The following MX2 variants were observed in gnomAD, a reference collection of about 807,000 sequenced individuals.
MX2 encodes the protein MX dynamin like GTPase 2, also known as interferon-induced GTP-binding protein Mx2.
A neutral mutation model predicts 74.0 loss-of-function variants in MX2; 51 were observed. That is an observed-to-expected ratio of 0.69 (90% CI 0.55 to 0.87). The LOEUF is 0.87. Ranked by LOEUF, MX2 falls within the 40% of genes least tolerant of loss-of-function variation. MX2 has a pLI of 0.00. For missense variants in MX2, 832 were observed against 908.7 expected (o/e 0.92, Z 1.09); for synonymous variants, 369 against 339.3 (o/e 1.09, Z -0.96).
intron 1 of MX2, chr21:41,370,144 G>C (rs553187427): frequency 6.6e-6 from 1 of 152,258 alleles, no homozygotes; most frequent in East Asian, 1.9e-4. Context: ...TTCCTGGGCT[G>C]TGTCATTCCA....
chr21:41,405,641 G>C (rs1234651118), intron 12 of MX2, among the ~76,000 whole-genome samples: 1 of 149,742 alleles, frequency 6.7e-6, no homozygotes, highest in African/African-American at 2.5e-5. Flanking sequence ...GGACACAAAT[G>C]TTCAGTCCAT....
intron 12 of MX2, chr21:41,404,055 A>C (rs1009926706): frequency 3.1e-5 from 6 of 190,902 alleles, no homozygotes; most frequent in African/African-American, 1.2e-4. Context: ...CCAGTCACCA[A>C]GATGTCCATT....
intron 1 of MX2, among the ~76,000 whole-genome samples, chr21:41,369,832 C>T (rs552351396): frequency 3.0e-4 from 46 of 151,348 alleles, no homozygotes; most frequent in African/African-American, 1.0e-3. Flanking sequence ...CACCCCTGCC[C>T]CCCGCCCCCG....
At chr21:41,405,205 G>C (rs1308861187) in intron 12 of MX2, among the ~76,000 whole-genome samples, 1 of 151,742 alleles carries the variant, frequency 6.6e-6, no homozygotes, top group African/African-American at 2.4e-5. Context: ...GTTGCAGTCA[G>C]TCGAGATTGT....
chr21:41,380,102 C>A lies in MX2; in HGVS notation c.528C>A (p.Thr176=), dbSNP rs142362549. The A allele has an allele frequency of 3.2e-4, 512 of 1,613,840 alleles. 2 individuals are homozygous for A. The highest frequency in any genetic ancestry group is 1.6e-4 in the Middle Eastern group (1 of 6,078). The change falls in exon 4 of 14, where the codon ACC becomes ACA. Residue 176 remains threonine, a synonymous_variant. Coordinates refer to ENST00000330714, the MANE Select transcript of MX2 (RefSeq NM_002463.2). This position sits in a 1 kb window ranked among gnomAD's most constrained non-coding sequence, Gnocchi z 4.3. The part of the protein sequence containing the change: ...AWAGRISYRN[T]ELELQDPGQV... ...CCGGAAGGATCAGCTACCGGAACAC[C>A]GAGCTAGAGCTTCAGGACCCTGGCC...
rs34254609 is a variant in MX2, at chr21:41,373,805, TA to T, written c.-71-3010del. 838 of 91,150 alleles carry T rather than the reference TA, an allele frequency of 9.2e-3. 3 individuals are homozygous for T. Among genetic ancestry groups the T allele is most frequent in the Middle Eastern group, 0.013 (2 of 150 alleles). 5.6% of individuals were successfully genotyped at this position (91,150 alleles called of 1,614,324 possible). A position where few individuals can be genotyped will look rare whatever the true frequency, so the allele number is the denominator to read the frequency against. On this transcript the variant is annotated intron_variant, in intron 1 of 13. Transcript: ENST00000330714. ...CCTTGCTTTCCCAGACTCTCAAACT[TA>T]AAAAAAAAAAAAAAAAAAAAGCCAG...
intron 3 of MX2, among the ~76,000 whole-genome samples, chr21:41,379,030 C>T (rs946803652): frequency 6.6e-6 from 1 of 152,242 alleles, no homozygotes; most frequent in Admixed American, 6.5e-5. Context: ...CTGCAACAAC[C>T]GCAAAGCCAC....
Position 41,399,353 on chromosome 21 carries a change from G to T in MX2, c.1414+16G>T, listed in dbSNP as rs749740191. On this transcript the variant is annotated intron_variant, in intron 10 of 13. Coordinates refer to ENST00000330714, the MANE Select transcript of MX2 (RefSeq NM_002463.2). ...ACCCAAAAAGGTAAGTTCTGGGCAG[G>T]GCTCCCTGCAAAACAGGGTGGTATT... is the stretch of plus-strand genomic sequence containing the variant. 1.2e-6 allele frequency: 2 copies of T among 1,611,512 alleles called. No homozygotes were observed. Among genetic ancestry groups the T allele is most frequent in the South Asian group, 2.2e-5 (2 of 90,898 alleles).
rs755613834 is a variant in MX2 at position 41,377,857 on chromosome 21, C to T, written c.318C>T (p.Ser106=). The change falls in exon 3 of 14, where the codon TCC becomes TCT. Residue 106 remains serine, a synonymous_variant. Transcript: ENST00000330714. ...KVRPCIDLID[S]LRALGVEQDL... is the part of the protein sequence containing the mutation. ...GCCCCTGCATTGACCTCATCGACTC[C>T]CTGCGGGCTCTGGGTGTGGAGCAGG... The T allele has an allele frequency of 1.1e-5, 17 of 1,614,232 alleles. No homozygotes were observed. The East Asian group carries it at 2.9e-4, about 28-fold the overall frequency.
At chr21:41,375,615 G>T (rs116422) in intron 1 of MX2, among the ~76,000 whole-genome samples, 33,821 of 152,174 alleles carry the variant, frequency 0.22, 4,434 homozygotes, top group African/African-American at 0.35. Flanking sequence ...TGTGTCTCCA[G>T]GTCCCAAATC....
Position 41,363,834 on chromosome 21 carries a change from C to G in MX2, c.-72+1779C>G, listed in dbSNP as rs1287225917. 6.4e-6 allele frequency: 1 copy of G among 155,202 alleles called. No homozygotes were observed. The highest frequency in any genetic ancestry group is 1.5e-5 in the Non-Finnish European group (1 of 68,356). 9.6% of individuals were successfully genotyped at this position (155,202 alleles called of 1,614,324 possible). ...CCTTCCCAGGGGTGCTTACGTGATC[C>G]TGGCAGTCTCAGTCAAACTTCCAAA... On this transcript the variant is annotated intron_variant, in intron 1 of 13. Transcript: ENST00000330714. This position sits in a 1 kb window ranked among gnomAD's most constrained non-coding sequence, Gnocchi z 4.2.
At chr21:41,382,311 C>G in intron 4 of MX2, 99 bp from the exon 5 acceptor site, 1 of 1,433,056 alleles carries the variant, frequency 7.0e-7, no homozygotes, top group South Asian at 1.4e-5. Context: ...TACTGAAGCT[C>G]TCATACCCTG....
chr21:41,403,036 C>G (rs932069184), intron 11 of MX2: 1 of 492,902 alleles, frequency 2.0e-6, no homozygotes, highest in African/African-American at 1.9e-5. Flanking sequence ...AACATGCACA[C>G]AGGCACGGGA....
chr21:41,378,456 C>T (rs1601402312), intron 3 of MX2, among the ~76,000 whole-genome samples: 1 of 152,360 alleles, frequency 6.6e-6, no homozygotes, highest in Non-Finnish European at 1.5e-5. Context: ...CTTGCCACCT[C>T]TTCCTAGTGG....
At position 41,380,057 on chromosome 21, in the gene MX2, G is replaced by A. The variant is rs1469510771; in HGVS notation, c.483G>A (p.Lys161=). ...GTCCGCTGGTGCTGAAACTGAAAAA[G>A]CAGCCCTGTGAGGCATGGGCCGGAA... is the stretch of plus-strand genomic sequence containing the variant. ...TRCPLVLKLK[K]QPCEAWAGRI... The change falls in exon 4 of 14, where the codon AAG becomes AAA. Residue 161 remains lysine, a synonymous_variant. Transcript: ENST00000330714. The surrounding 1 kb of genome is among the most constrained non-coding windows in gnomAD (Gnocchi z 4.3). The A allele has an allele frequency of 6.2e-7, 1 of 1,613,928 alleles. No homozygotes were observed. Among genetic ancestry groups the A allele is most frequent in the African/African-American group, 1.3e-5 (1 of 74,910 alleles).
intron 1 of MX2, chr21:41,374,137 A>T (rs1159350158): frequency 6.6e-6 from 1 of 152,320 alleles, no homozygotes; most frequent in Non-Finnish European, 1.5e-5. Flanking sequence ...TGTAAGTAAT[A>T]GTACGGAACC....
chr21:41,385,890 A>G (rs2089565586), intron 5 of MX2, among the ~76,000 whole-genome samples: 1 of 152,180 alleles, frequency 6.6e-6, no homozygotes, highest in Admixed American at 6.5e-5. Flanking sequence ...TGGAAATAGC[A>G]CAAAAATTAC....
At chr21:41,371,676 G>A (rs991164548) in intron 1 of MX2, among the ~76,000 whole-genome samples, 1 of 152,116 alleles carries the variant, frequency 6.6e-6, no homozygotes, top group African/African-American at 2.4e-5. Flanking sequence ...ACTCAGAGAC[G>A]GTCACGCCAA....
rs1421712607 is a variant in MX2, at chr21:41,380,805, G to A, written c.577+654G>A. Among the ~76,000 whole-genome samples the A allele has an allele frequency of 5.3e-5, 8 of 152,266 alleles. No homozygotes were observed. In the South Asian group the frequency reaches 1.2e-3, roughly 24 times the overall value. ...TCCCCCGAGGGGCCCTAGTGGTTAC[G>A]TCCCTTGGAGTGCACAGCCCTGCCT... On this transcript the variant is annotated intron_variant, in intron 4 of 13. Coordinates refer to ENST00000330714, the MANE Select transcript of MX2 (RefSeq NM_002463.2). The surrounding 1 kb of genome is among the most constrained non-coding windows in gnomAD (Gnocchi z 4.3).
Sources: allele counts gnomAD v4.1 joint callset (sites outside exome capture counted in the v4.1 genomes callset), GRCh38; gene constraint gnomAD v4.1.1; non-coding constraint Gnocchi (gnomAD v3.1); transcripts MANE v1.5; gene names NCBI Gene and HGNC (gene_info 2026-07-23, HGNC 2026-07-21).